BMP2K: variants seen among roughly 807,000 people sequenced by gnomAD.
BMP2K encodes the protein BMP2 inducible kinase.
Under a neutral mutation model 116.0 loss-of-function variants are expected in BMP2K, and 74 were observed. The observed-to-expected ratio is 0.64, with a 90% confidence interval of 0.53 to 0.77. The LOEUF is 0.77. Ranked by LOEUF, BMP2K falls within the 30% of genes least tolerant of loss-of-function variation. The pLI, the probability that BMP2K is intolerant of heterozygous loss-of-function variation, is 0.00. For missense variants in BMP2K, 1,365 were observed against 1,403.6 expected, an observed-to-expected ratio of 0.97 and a Z score of 0.44; for synonymous variants, 486 against 502.5, an observed-to-expected ratio of 0.97 and a Z score of 0.44.
intron 13 of BMP2K, among the ~76,000 whole-genome samples, chr4:78,876,395 A>G (rs1048975104): frequency 6.6e-6 from 1 of 152,176 alleles, no homozygotes; most frequent in African/African-American, 2.4e-5. Flanking sequence ...TGTTTTTTAA[A>G]TTAAGATACC....
chr4:78,877,061 C>T (rs1269881781), intron 13 of BMP2K, among the ~76,000 whole-genome samples: 2 of 151,808 alleles, frequency 1.3e-5, no homozygotes, highest in Admixed American at 1.3e-4. Flanking sequence ...AATGGTACAT[C>T]TGTATAGGGC....
intron 1 of BMP2K, among the ~76,000 whole-genome samples, chr4:78,795,878 AAGTC>A (rs1728238242): frequency 6.6e-6 from 1 of 151,978 alleles, no homozygotes; most frequent in Non-Finnish European, 1.5e-5. Context: ...AATCATTAAA[AAGTC>A]AGGAAACAAC....
intron 1 of BMP2K, among the ~76,000 whole-genome samples, chr4:78,793,504 A>C (rs982280875): frequency 1.3e-5 from 2 of 152,122 alleles, no homozygotes; most frequent in Non-Finnish European, 2.9e-5. Flanking sequence ...TTTAATTTCT[A>C]ATATAATATG....
chr4:78,826,391 CA>C (rs1729876752), intron 2 of BMP2K, among the ~76,000 whole-genome samples: 2 of 152,016 alleles, frequency 1.3e-5, no homozygotes, highest in Admixed American at 6.6e-5. Flanking sequence ...TTAGTAGAGA[CA>C]GGGTTTCACC....
intron 1 of BMP2K, among the ~76,000 whole-genome samples, chr4:78,782,043 T>C (rs962978760): frequency 2.6e-5 from 4 of 152,226 alleles, no homozygotes; most frequent in Admixed American, 1.3e-4. Context: ...TCACTTCTTA[T>C]CTTTAAAAGC....
At position 78,865,628 on chromosome 4, in the gene BMP2K, C is replaced by T; in HGVS notation, c.1139C>T (p.Thr380Ile). 1 of 1,614,162 alleles carries T rather than the reference C, an allele frequency of 6.2e-7. No individual in the cohort carries two copies. The highest frequency in any genetic ancestry group is 1.1e-5 in the South Asian group (1 of 91,082). The part of the protein sequence containing the change: ...PRQRPKANSA[T>I]TATPSVLTIQ... ...CAAAGACCAAAGGCCAACTCTGCTA[C>T]TACTGCCACTCCCAGTGTGCTGACC... Residue 380 changes from threonine (T) to isoleucine (I), a missense_variant, in exon 10 of 16, where the codon ACT (threonine) becomes ATT (isoleucine). Thr to Ile is a moderately conservative substitution (Grantham distance 89). Transcript: ENST00000502613.
At chr4:78,798,878 T>C (rs1728428609) in intron 1 of BMP2K, among the ~76,000 whole-genome samples, 1 of 152,232 alleles carries the variant, frequency 6.6e-6, no homozygotes, top group African/African-American at 2.4e-5. Context: ...ATCAGTGCTT[T>C]TAAGACAAAC....
rs1452065190 is a variant in BMP2K, at chr4:78,910,630, GAACA to G, written c.2084_2087del (p.Glu695ValfsTer4). On this transcript the variant is annotated frameshift_variant, in exon 16 of 16. Coordinates refer to ENST00000502613, the MANE Select transcript of BMP2K (RefSeq NM_198892.2). LOFTEE classifies it low-confidence loss of function (END_TRUNC). ...TGCAGGTTCTCCTGAAAAGAAAGCT[GAACA>G]TTCATCTATAAATCAAGAAAATGGC... 6.5e-7 allele frequency: 1 copy of G among 1,542,302 alleles called. No homozygotes were observed. Among genetic ancestry groups the G allele is most frequent in the Admixed American group, 2.2e-5 (1 of 44,986 alleles).
chr4:78,865,982 C>A (rs2110052170), intron 10 of BMP2K, among the ~76,000 whole-genome samples: 1 of 152,198 alleles, frequency 6.6e-6, no homozygotes. Flanking sequence ...AAACTCTTAT[C>A]CCTAGAGTCA....
chr4:78,847,133 C>CT (rs902745861), intron 5 of BMP2K, 55 bp from the exon 6 acceptor site: 56 of 1,017,478 alleles, frequency 5.5e-5, no homozygotes, highest in South Asian at 1.7e-4. Flanking sequence ...TATTATCTGT[C>CT]TTTTTTTTAT....
At chr4:78,892,614 T>C (rs1411834986) in intron 15 of BMP2K, among the ~76,000 whole-genome samples, 3 of 152,366 alleles carry the variant, frequency 2.0e-5, no homozygotes, top group Admixed American at 2.0e-4. Context: ...CTCTAGCTTC[T>C]TAAGCAAGAT....
intron 2 of BMP2K, among the ~76,000 whole-genome samples, chr4:78,826,941 T>C (rs1315019006): frequency 6.6e-6 from 1 of 152,228 alleles, no homozygotes; most frequent in Non-Finnish European, 1.5e-5. Flanking sequence ...TATCCCTGTA[T>C]AGGCATACCC....
chr4:78,796,623 A>G (rs1428253775), intron 1 of BMP2K, among the ~76,000 whole-genome samples: 1 of 152,184 alleles, frequency 6.6e-6, no homozygotes, highest in African/African-American at 2.4e-5. Flanking sequence ...GGCCACTTAA[A>G]GGAGTCCCAA....
chr4:78,876,480 C>A, intron 13 of BMP2K, among the ~76,000 whole-genome samples: 1 of 152,130 alleles, frequency 6.6e-6, no homozygotes, highest in East Asian at 1.9e-4. Context: ...ATATGCTAGC[C>A]TTCAGTAAGT....
intron 7 of BMP2K, among the ~76,000 whole-genome samples, chr4:78,855,728 A>T (rs546005588): frequency 9.8e-5 from 15 of 152,310 alleles, no homozygotes; most frequent in Middle Eastern, 3.4e-3. Flanking sequence ...GTCTTATACT[A>T]CCTTCAGTGC....
chr4:78,837,569 A>T (rs1411089975), intron 3 of BMP2K, among the ~76,000 whole-genome samples: 1 of 152,134 alleles, frequency 6.6e-6, no homozygotes. Flanking sequence ...GGGGGGAAAA[A>T]TACACCTAGT....
At chr4:78,889,175 C>G (rs533067901) in intron 15 of BMP2K, among the ~76,000 whole-genome samples, 4 of 139,164 alleles carry the variant, frequency 2.9e-5, no homozygotes, top group African/African-American at 8.2e-5. Flanking sequence ...GAGCCGAGAT[C>G]GTGCCAGTGC....
chr4:78,821,309 A>T (rs2109990446), intron 1 of BMP2K, among the ~76,000 whole-genome samples: 1 of 152,330 alleles, frequency 6.6e-6, no homozygotes, highest in East Asian at 1.9e-4. Flanking sequence ...GTGACGATGC[A>T]GAAAGCCACT....
At chr4:78,870,381 G>A (rs772772268) in intron 10 of BMP2K, among the ~76,000 whole-genome samples, 1 of 152,188 alleles carries the variant, frequency 6.6e-6, no homozygotes. Context: ...AGGAAGAGAG[G>A]TTTGAGCTAA....
Sources: allele counts gnomAD v4.1 joint callset (sites outside exome capture counted in the v4.1 genomes callset), GRCh38; gene constraint gnomAD v4.1.1; transcripts MANE v1.5; gene names NCBI Gene and HGNC (gene_info 2026-07-23, HGNC 2026-07-21).